Variants in RSU1 observed in about 807,000 individuals in gnomAD.
RSU1 encodes rsu-1.
In RSU1, 26 loss-of-function variants were observed where a neutral mutation model predicts 31.1. The ratio of observed to expected loss-of-function variants is 0.84; its 90% CI spans 0.61 to 1.16. The LOEUF is 1.16. Among genes scored for constraint, RSU1 ranks in the 50% most tolerant of loss-of-function variants. The pLI is 0.00. For synonymous variants in RSU1, 164 were observed against 136.3 expected, an observed-to-expected ratio of 1.20 and a Z score of -1.41; for missense variants, 320 against 339.1, an observed-to-expected ratio of 0.94 and a Z score of 0.44.
chr10:16,645,057 TG>T (rs1426541125), intron 8 of RSU1, among the ~76,000 whole-genome samples: 1 of 152,204 alleles, frequency 6.6e-6, no homozygotes, highest in African/African-American at 2.4e-5. Flanking sequence ...CTTGTTGGAA[TG>T]GGTCCAGAAG....
chr10:16,714,349 G>A (rs1420220652), intron 7 of RSU1, among the ~76,000 whole-genome samples: 1 of 152,160 alleles, frequency 6.6e-6, no homozygotes, highest in Non-Finnish European at 1.5e-5. Flanking sequence ...AAATGGGGTT[G>A]GGCAGCCTTG....
chr10:16,633,761 T>A (rs1349790176), intron 8 of RSU1, among the ~76,000 whole-genome samples: 1 of 152,122 alleles, frequency 6.6e-6, no homozygotes, highest in Non-Finnish European at 1.5e-5. Flanking sequence ...TCTGTGTACT[T>A]TTCAATGCTC....
At chr10:16,730,891 T>C (rs1012427643) in intron 7 of RSU1, among the ~76,000 whole-genome samples, 3 of 152,150 alleles carry the variant, frequency 2.0e-5, no homozygotes, top group Admixed American at 1.3e-4. Flanking sequence ...TGGCGTGATC[T>C]TGGCTCATTA....
chr10:16,618,871 A>G (rs1026545566), intron 8 of RSU1, among the ~76,000 whole-genome samples: 11 of 152,142 alleles, frequency 7.2e-5, no homozygotes, highest in Admixed American at 5.2e-4. Flanking sequence ...ACAAATACCT[A>G]ATGCATGTGG....
intron 8 of RSU1, among the ~76,000 whole-genome samples, chr10:16,669,708 T>C (rs1306239129): frequency 6.6e-6 from 1 of 152,218 alleles, no homozygotes; most frequent in Non-Finnish European, 1.5e-5. Context: ...GTTAGTTTGC[T>C]GAGGATAATG....
intron 2 of RSU1, among the ~76,000 whole-genome samples, chr10:16,809,986 C>CGGGGGG (rs747676679): frequency 1.4e-4 from 11 of 77,026 alleles, no homozygotes; most frequent in Admixed American, 3.6e-4. Flanking sequence ...TTTGGGAGGC[C>CGGGGGG]GGGGGTGGGG....
chr10:16,808,292 A>G (rs1838319497), intron 2 of RSU1, among the ~76,000 whole-genome samples: 1 of 151,996 alleles, frequency 6.6e-6, no homozygotes, highest in African/African-American at 2.4e-5. Context: ...AGCCTGGTCA[A>G]CATGGCAAAA....
intron 3 of RSU1, among the ~76,000 whole-genome samples, chr10:16,766,629 C>A (rs1462791099): frequency 6.6e-6 from 1 of 151,830 alleles, no homozygotes; most frequent in Non-Finnish European, 1.5e-5. Flanking sequence ...GCAGGAGAAT[C>A]GCTTGAACCT....
chr10:16,623,500 T>G (rs1369628815), intron 8 of RSU1, among the ~76,000 whole-genome samples: 2 of 152,194 alleles, frequency 1.3e-5, no homozygotes, highest in African/African-American at 2.4e-5. Flanking sequence ...CACACGAGTG[T>G]ATGTGTCTTT....
chr10:16,697,514 A>C (rs1212573770), intron 7 of RSU1, among the ~76,000 whole-genome samples: 1 of 152,070 alleles, frequency 6.6e-6, no homozygotes, highest in East Asian at 1.9e-4. Flanking sequence ...AAATACAAAA[A>C]TTAGCCAGGC....
In RSU1 at chr10:16,695,157, T is replaced by TAG; in HGVS notation, c.599-3_599-2insCT. The TAG allele has an allele frequency of 8.3e-7, 1 of 1,202,572 alleles. No individual in the cohort carries two copies. Among genetic ancestry groups the TAG allele is most frequent in the Non-Finnish European group, 1.1e-6 (1 of 890,704 alleles). The allele number at this position is 1,202,572 out of a possible 1,614,324, so 74.5% of individuals were successfully genotyped here. A position where few individuals can be genotyped will look rare whatever the true frequency, so the allele number is the denominator to read the frequency against. ...TCTGGCCAGTTAAATCCAAGTTTCC[T>TAG]GGGGGGGGGGAAAAAAAAAGTGAAG... On this transcript the variant is annotated splice_polypyrimidine_tract_variant and splice_region_variant and intron_variant, in intron 7 of 8. Transcript: ENST00000345264.
chr10:16,746,764 T>C (rs1184011364), intron 7 of RSU1, among the ~76,000 whole-genome samples: 1 of 151,632 alleles, frequency 6.6e-6, no homozygotes, highest in African/African-American at 2.4e-5. Flanking sequence ...CAACGCAGGA[T>C]TTTTATCCTC....
rs1484666113 is a variant in RSU1, at chr10:16,694,872, C to G, written c.731+151G>C. 4.2e-6 allele frequency: 3 copies of G among 710,600 alleles called. No homozygotes were observed. The African/African-American group carries it at 5.4e-5, about 13-fold the overall frequency. The allele number at this position is 710,600 out of a possible 1,614,324, so 44.0% of individuals were successfully genotyped here. A position where few individuals can be genotyped will look rare whatever the true frequency, so the allele number is the denominator to read the frequency against. ...GATTACAGCTGTGAGCCACACCACA[C>G]CTGGCCGACATGCAGTTTTTAATAA... On this transcript the variant is annotated intron_variant, in intron 8 of 8. Transcript: ENST00000345264.
At chr10:16,722,699 G>C (rs1836290654) in intron 7 of RSU1, among the ~76,000 whole-genome samples, 1 of 151,920 alleles carries the variant, frequency 6.6e-6, no homozygotes, top group Admixed American at 6.6e-5. Context: ...AGACAATAGA[G>C]GTTAGAGAAA....
chr10:16,647,503 A>G (rs534855065), intron 8 of RSU1, among the ~76,000 whole-genome samples: 3 of 152,358 alleles, frequency 2.0e-5, no homozygotes, highest in East Asian at 1.9e-4. Context: ...ATATCCATCA[A>G]TTTGTGAATG....
At chr10:16,658,526 C>T (rs1209562592) in intron 8 of RSU1, among the ~76,000 whole-genome samples, 3 of 152,102 alleles carry the variant, frequency 2.0e-5, no homozygotes, top group Non-Finnish European at 4.4e-5. Flanking sequence ...GAGTTCGAGA[C>T]CAGCCTGGAT....
intron 8 of RSU1, among the ~76,000 whole-genome samples, chr10:16,669,373 T>TCCCCCCC (rs771659861): frequency 6.6e-6 from 1 of 150,674 alleles, no homozygotes; most frequent in African/African-American, 2.4e-5. Flanking sequence ...CTGTTTTTTT[T>TCCCCCCC]CCCCCCCCAA....
intron 8 of RSU1, among the ~76,000 whole-genome samples, chr10:16,684,851 C>T (rs867413672): frequency 3.3e-5 from 5 of 152,202 alleles, no homozygotes; most frequent in African/African-American, 1.2e-4. Flanking sequence ...ACAAAAAAAC[C>T]CCAAAACTTC....
intron 7 of RSU1, chr10:16,721,584 T>C (rs1437144563): frequency 2.0e-5 from 3 of 152,262 alleles, no homozygotes; most frequent in Non-Finnish European, 4.4e-5. Context: ...CTCATGATGG[T>C]TGAGTGACTT....
Sources: allele counts gnomAD v4.1 joint callset (sites outside exome capture counted in the v4.1 genomes callset), GRCh38; gene constraint gnomAD v4.1.1; transcripts MANE v1.5; gene names NCBI Gene and HGNC (gene_info 2026-07-23, HGNC 2026-07-21).